The following USP15 variants were observed in gnomAD, a reference collection of about 807,000 sequenced individuals.
The protein encoded by USP15 is ubiquitin carboxyl-terminal hydrolase 15.
Under a neutral mutation model 127.1 loss-of-function variants are expected in USP15, and 18 were observed. The observed-to-expected ratio is 0.14, with a 90% CI of 0.10 to 0.21. The LOEUF is 0.21. USP15 is among the 10% of genes least tolerant of loss of function. USP15 has a pLI of 1.00. For synonymous variants in USP15, 364 were observed against 393.7 expected (o/e 0.92, Z 0.89); for missense variants, 805 against 1,159.9 (o/e 0.69, Z 4.44).
chr12:62,346,921 A>G (rs1437999774), intron 6 of USP15, among the ~76,000 whole-genome samples: 1 of 152,138 alleles, frequency 6.6e-6, no homozygotes, highest in African/African-American at 2.4e-5. Flanking sequence ...CCTAACTGTA[A>G]TACTCTTTTA....
chr12:62,293,702 T>C (rs959303839), intron 1 of USP15, among the ~76,000 whole-genome samples: 3 of 152,226 alleles, frequency 2.0e-5, no homozygotes, highest in African/African-American at 7.2e-5. Context: ...TTGATGTCTT[T>C]AGTCAGCCAT....
intron 1 of USP15, among the ~76,000 whole-genome samples, chr12:62,267,639 C>T (rs1430725320): frequency 6.6e-6 from 1 of 152,010 alleles, no homozygotes; most frequent in African/African-American, 2.4e-5. Flanking sequence ...CAGATATTAG[C>T]GTGGTAATTC....
chr12:62,281,358 A>G (rs1013902420), intron 1 of USP15, among the ~76,000 whole-genome samples: 3 of 152,016 alleles, frequency 2.0e-5, no homozygotes, highest in African/African-American at 7.3e-5. Flanking sequence ...GCTTTTTGAG[A>G]CAGAATCTTG....
chr12:62,331,225 G>C (rs967266313), intron 6 of USP15, among the ~76,000 whole-genome samples: 2 of 152,140 alleles, frequency 1.3e-5, no homozygotes, highest in Non-Finnish European at 2.9e-5. Context: ...ACCAAAGAAA[G>C]ATAATTAAAG....
At chr12:62,378,489 TATG>T (rs1249552233) in intron 8 of USP15, among the ~76,000 whole-genome samples, 1 of 152,308 alleles carries the variant, frequency 6.6e-6, no homozygotes, top group African/African-American at 2.4e-5. Flanking sequence ...AAATATTGGT[TATG>T]ATATCTTCAC....
intron 5 of USP15, among the ~76,000 whole-genome samples, chr12:62,324,240 TGATGGTC>T (rs1217932830): frequency 2.0e-5 from 3 of 152,068 alleles, no homozygotes. Flanking sequence ...TTAATCTTTC[TGATGGTC>T]TTCAGCATTA....
In USP15 at chr12:62,355,435, G is replaced by A; in HGVS notation, c.875G>A (p.Ser292Asn). Residue 292 changes from serine (S) to asparagine (N), a missense_variant, in exon 8 of 22, where the codon AGT (serine) becomes AAT (asparagine). Physicochemically the swap from Ser to Asn is conservative, Grantham distance 46. Around this residue, in one of 11 missense-constraint regions of USP15, gnomAD observed 84 missense variants for 107.7 expected, o/e 0.78. Transcript: ENST00000280377. ...GAACAGCCAGGCCTCTGTGGCCTAAGTAACTTGGGAAATACGTGTTTCATG... is the reference window on the plus strand; with the variant it reads ...GAACAGCCAGGCCTCTGTGGCCTAAATAACTTGGGAAATACGTGTTTCATG... ...NNEQPGLCGL[S>N]NLGNTCFMNS... 6.2e-7 allele frequency: 1 copy of A among 1,608,490 alleles called. No homozygotes were observed. Among genetic ancestry groups the A allele is most frequent in the Non-Finnish European group, 8.5e-7 (1 of 1,177,070 alleles).
In USP15 at chr12:62,393,021, A is replaced by G. The variant is rs780114062; in HGVS notation, c.2421-32A>G. 6 of 1,608,178 alleles carry G rather than the reference A, an allele frequency of 3.7e-6. No individual in the cohort carries two copies. In the African/African-American group the frequency reaches 4.0e-5, roughly 11 times the overall value. ...ATTAATGGGGGTTGTTTGTACCTCTATCAAGTGTTAAATACTTCTGTTTAT... is the reference window on the plus strand; with the variant it reads ...ATTAATGGGGGTTGTTTGTACCTCTGTCAAGTGTTAAATACTTCTGTTTAT... On this transcript the variant is annotated intron_variant, in intron 18 of 21. Coordinates refer to ENST00000280377, the MANE Select transcript of USP15 (RefSeq NM_001252078.2).
intron 5 of USP15, among the ~76,000 whole-genome samples, chr12:62,324,418 T>C (rs991745405): frequency 2.0e-5 from 3 of 152,068 alleles, no homozygotes; most frequent in Admixed American, 2.0e-4. Context: ...TTGTAAAGTT[T>C]ATATGTATAT....
chr12:62,335,064 C>T (rs1385452026), intron 6 of USP15: 11 of 1,110,242 alleles, frequency 9.9e-6, no homozygotes, highest in Non-Finnish European at 1.4e-5. Flanking sequence ...CGATATGTTA[C>T]ACCTAGCCCA....
intron 11 of USP15, 25 bp from the exon 12 acceptor site, chr12:62,389,406 C>A (rs1466315085): frequency 6.3e-7 from 1 of 1,584,180 alleles, no homozygotes; most frequent in South Asian, 1.2e-5. Context: ...ATAATAAATT[C>A]ATTACAATTT....
At chr12:62,400,613 TAA>T (rs5798641) in intron 20 of USP15, among the ~76,000 whole-genome samples, 15 of 137,358 alleles carry the variant, frequency 1.1e-4, no homozygotes, top group Non-Finnish European at 9.5e-5. Context: ...ATTCTGGTGT[TAA>T]AAAAAAAAAA....
chr12:62,400,457 C>T (rs528293164), intron 20 of USP15, among the ~76,000 whole-genome samples: 1 of 151,804 alleles, frequency 6.6e-6, no homozygotes, highest in Non-Finnish European at 1.5e-5. Context: ...GTACTCAGCA[C>T]GTGGCAAATT....
At chr12:62,273,813 A>G (rs1295969282) in intron 1 of USP15, among the ~76,000 whole-genome samples, 3 of 152,104 alleles carry the variant, frequency 2.0e-5, no homozygotes, top group African/African-American at 4.8e-5. Context: ...CTGATAGTCA[A>G]AGCTCTAACC....
intron 6 of USP15, among the ~76,000 whole-genome samples, chr12:62,332,974 A>T (rs2065349766): frequency 1.3e-5 from 2 of 152,214 alleles, no homozygotes; most frequent in African/African-American, 2.4e-5. Context: ...GTAAGCACTT[A>T]GGTGATTCTG....
chr12:62,302,368 AC>A (rs1217521341), intron 2 of USP15, among the ~76,000 whole-genome samples: 2 of 152,156 alleles, frequency 1.3e-5, no homozygotes, highest in Non-Finnish European at 2.9e-5. Flanking sequence ...TTTTTAAAGA[AC>A]CTAATAAAAG....
In USP15 at chr12:62,337,332, A is replaced by G. The variant is rs139357261; in HGVS notation, c.683+11399A>G. Reference sequence around the variant, plus strand: ...GGAGACGGGGCAATTTACAAAAGAAAGAGGTTTATTGGATTTACAGTTCCA... The same window carrying G: ...GGAGACGGGGCAATTTACAAAAGAAGGAGGTTTATTGGATTTACAGTTCCA... On this transcript the variant is annotated intron_variant, in intron 6 of 21. Transcript: ENST00000280377. Among the ~76,000 whole-genome samples the G allele has an allele frequency of 1.4e-3, 211 of 152,274 alleles. 2 individuals are homozygous for G. Among genetic ancestry groups the G allele is most frequent in the African/African-American group, 4.6e-3 (192 of 41,550 alleles).
intron 6 of USP15, chr12:62,327,520 T>C (rs538109759): frequency 5.2e-4 from 185 of 359,006 alleles, no homozygotes; most frequent in Middle Eastern, 5.1e-3. Flanking sequence ...TTTAAGTTAT[T>C]TTTGAAATTA....
intron 1 of USP15, among the ~76,000 whole-genome samples, chr12:62,280,542 G>A (rs1347227401): frequency 6.6e-6 from 1 of 152,152 alleles, no homozygotes; most frequent in Non-Finnish European, 1.5e-5. Flanking sequence ...TATAGTGGAA[G>A]GGATGAGGTG....
Sources: allele counts gnomAD v4.1 joint callset (sites outside exome capture counted in the v4.1 genomes callset), GRCh38; gene constraint gnomAD v4.1.1; regional missense constraint gnomAD v4.1.1; transcripts MANE v1.5; gene names NCBI Gene and HGNC (gene_info 2026-07-23, HGNC 2026-07-21).